The following RNGTT variants were observed in gnomAD, a reference collection of about 807,000 sequenced individuals.
RNGTT encodes the protein RNA guanylyltransferase and 5'-phosphatase, also known as mRNA-capping enzyme.
RNGTT carries 33 observed loss-of-function variants against 79.3 expected under a neutral mutation model. The observed-to-expected ratio is 0.42, with a 90% CI of 0.32 to 0.56. The LOEUF is 0.56. Ranked by LOEUF, RNGTT falls within the 20% of genes least tolerant of loss-of-function variation. The pLI is 0.17. For synonymous variants in RNGTT, 222 were observed against 235.9 expected (o/e 0.94, Z 0.54); for missense variants, 497 against 739.1 (o/e 0.67, Z 3.80).
At chr6:88,685,654 T>C (rs1012878900) in intron 13 of RNGTT, among the ~76,000 whole-genome samples, 5 of 151,940 alleles carry the variant, frequency 3.3e-5, no homozygotes, top group African/African-American at 1.2e-4. Context: ...TAATATTAAA[T>C]AACTCACCAT....
intron 13 of RNGTT, among the ~76,000 whole-genome samples, chr6:88,687,122 G>A (rs902711953): frequency 2.6e-5 from 4 of 151,958 alleles, no homozygotes; most frequent in Admixed American, 6.6e-5. Flanking sequence ...GAGAAGAAAT[G>A]GGAAAAACAC....
chr6:88,731,897 C>G (rs897394940), intron 13 of RNGTT, among the ~76,000 whole-genome samples: 3 of 151,794 alleles, frequency 2.0e-5, no homozygotes, highest in Non-Finnish European at 4.4e-5. Context: ...GTATTATATA[C>G]TATATTCTTA....
At chr6:88,928,270 G>GT (rs1310348701) in intron 4 of RNGTT, among the ~76,000 whole-genome samples, 1 of 151,624 alleles carries the variant, frequency 6.6e-6, no homozygotes, top group Non-Finnish European at 1.5e-5. Context: ...AAAAATTCTA[G>GT]AAGACCACTC....
chr6:88,792,035 T>C (rs1779440854), intron 12 of RNGTT, among the ~76,000 whole-genome samples: 1 of 152,172 alleles, frequency 6.6e-6, no homozygotes, highest in East Asian at 1.9e-4. Context: ...CAGAAATTAA[T>C]CAATGATACT....
chr6:88,767,388 GTT>G (rs1778496802), intron 13 of RNGTT, among the ~76,000 whole-genome samples: 1 of 152,018 alleles, frequency 6.6e-6, no homozygotes, highest in Non-Finnish European at 1.5e-5. Context: ...ATCATGCTAT[GTT>G]TAATTACAAT....
chr6:88,670,792 G>A (rs1010313889), intron 14 of RNGTT, among the ~76,000 whole-genome samples: 6 of 152,078 alleles, frequency 3.9e-5, no homozygotes, highest in African/African-American at 1.4e-4. Context: ...CTTTCACGTG[G>A]ACCCCTCAGA....
intron 13 of RNGTT, among the ~76,000 whole-genome samples, chr6:88,732,907 C>G (rs1214491317): frequency 6.6e-6 from 1 of 152,116 alleles, no homozygotes; most frequent in Non-Finnish European, 1.5e-5. Flanking sequence ...TGTATTTATA[C>G]TACTACTGAA....
chr6:88,762,123 G>A (rs1778286482), intron 13 of RNGTT, among the ~76,000 whole-genome samples: 1 of 152,168 alleles, frequency 6.6e-6, no homozygotes, highest in Non-Finnish European at 1.5e-5. Context: ...AGGGTAATCA[G>A]GTGATAAATG....
chr6:88,754,872 T>A (rs1352755502), intron 13 of RNGTT, among the ~76,000 whole-genome samples: 4 of 152,242 alleles, frequency 2.6e-5, no homozygotes, highest in African/African-American at 9.6e-5. Context: ...ATACTTTTAG[T>A]TAATCTATAA....
chr6:88,927,183 G>A (rs1313981818), intron 4 of RNGTT, among the ~76,000 whole-genome samples: 1 of 152,158 alleles, frequency 6.6e-6, no homozygotes, highest in Non-Finnish European at 1.5e-5. Context: ...AGAAGAGAAA[G>A]AACTACTCAA....
chr6:88,743,870 C>T (rs1257881158), intron 13 of RNGTT, among the ~76,000 whole-genome samples: 1 of 152,132 alleles, frequency 6.6e-6, no homozygotes, highest in East Asian at 1.9e-4. Flanking sequence ...AATGACCATA[C>T]TGTTTTCCAC....
At chr6:88,778,091 T>C (rs1381530744) in intron 12 of RNGTT, among the ~76,000 whole-genome samples, 3 of 152,226 alleles carry the variant, frequency 2.0e-5, no homozygotes, top group Non-Finnish European at 4.4e-5. Context: ...TATATCATAT[T>C]GATTGATCTG....
intron 12 of RNGTT, among the ~76,000 whole-genome samples, chr6:88,784,543 A>G (rs1201853635): frequency 6.6e-6 from 1 of 152,106 alleles, no homozygotes; most frequent in African/African-American, 2.4e-5. Context: ...GTATAAATAC[A>G]TATTCTTTAG....
At chr6:88,952,462 C>G (rs1262531859) in intron 1 of RNGTT, among the ~76,000 whole-genome samples, 1 of 152,258 alleles carries the variant, frequency 6.6e-6, no homozygotes, top group Admixed American at 6.5e-5. Context: ...AGCACCACAG[C>G]TAGTGCTCTC....
chr6:88,789,546 C>T (rs1335226220), intron 12 of RNGTT, among the ~76,000 whole-genome samples: 2 of 152,166 alleles, frequency 1.3e-5, no homozygotes, highest in Non-Finnish European at 2.9e-5. Context: ...GGCGACAAAG[C>T]AAGACTCTGT....
intron 1 of RNGTT, among the ~76,000 whole-genome samples, chr6:88,953,909 A>C (rs560965720): frequency 1.2e-4 from 19 of 152,350 alleles, no homozygotes; most frequent in Middle Eastern, 3.4e-3. Context: ...TCTTTCTCAG[A>C]TAAACAAATG....
At chr6:88,718,432 T>G (rs1326825278) in intron 13 of RNGTT, among the ~76,000 whole-genome samples, 3 of 150,924 alleles carry the variant, frequency 2.0e-5, no homozygotes, top group African/African-American at 7.3e-5. Flanking sequence ...TTTATAGAGC[T>G]CCTATTGTTA....
chr6:88,825,493 TC>T (rs1466746178), intron 11 of RNGTT, among the ~76,000 whole-genome samples: 18 of 152,352 alleles, frequency 1.2e-4, no homozygotes, highest in African/African-American at 4.3e-4. Context: ...TTGGTAGCAT[TC>T]TAAACATCTA....
At chr6:88,961,655 A>G (rs968321729) in intron 1 of RNGTT, among the ~76,000 whole-genome samples, 4 of 152,202 alleles carry the variant, frequency 2.6e-5, no homozygotes, top group Non-Finnish European at 5.9e-5. Context: ...ATTTTTTGCT[A>G]GTTTTTAAGT....
Sources: allele counts gnomAD v4.1 joint callset (sites outside exome capture counted in the v4.1 genomes callset), GRCh38; gene constraint gnomAD v4.1.1; transcripts MANE v1.5; gene names NCBI Gene and HGNC (gene_info 2026-07-23, HGNC 2026-07-21).